The following KDM4B variants were observed in gnomAD, a reference collection of about 807,000 sequenced individuals.
KDM4B encodes the protein lysine demethylase 4B, also known as lysine-specific demethylase 4B.
Under a neutral mutation model 125.2 loss-of-function variants are expected in KDM4B, and 32 were observed. The ratio of observed to expected loss-of-function variants is 0.26; its 90% confidence interval spans 0.19 to 0.34. The LOEUF is 0.34. Among genes scored for constraint, KDM4B ranks in the 10% least tolerant of loss-of-function variants. KDM4B has a pLI of 1.00. For missense variants in KDM4B, 1,190 were observed against 1,577.7 expected, an observed-to-expected ratio of 0.75 and a Z score of 4.16; for synonymous variants, 721 against 677.9, an observed-to-expected ratio of 1.06 and a Z score of -0.99.
chr19:5,009,611 C>G (rs929235528), intron 1 of KDM4B, among the ~76,000 whole-genome samples: 31 of 152,200 alleles, frequency 2.0e-4, no homozygotes, highest in African/African-American at 7.2e-4. Context: ...TGAACTGTTG[C>G]AAAGATAGCA....
Position 5,141,269 on chromosome 19 carries a change from CACGGCCAGG to C in KDM4B, c.2551-2697_2551-2689del, listed in dbSNP as rs1302668358. On this transcript the variant is annotated intron_variant, in intron 18 of 22. Coordinates refer to ENST00000159111, the MANE Select transcript of KDM4B (RefSeq NM_015015.3). The surrounding 1 kb of genome is among the most constrained non-coding windows in gnomAD (Gnocchi z 6.4). ...AGTGGGTCACGCCGGCCTGGCCGGG[CACGGCCAGG>C]CGATTAGGAAGCCGGCAGCCCGCGG... The C allele has an allele frequency of 6.6e-6, 1 of 152,044 alleles. No individual in the cohort carries two copies. The highest frequency in any genetic ancestry group is 6.5e-5 in the Admixed American group (1 of 15,276). 9.4% of individuals were successfully genotyped at this position (152,044 alleles called of 1,614,324 possible).
At chr19:5,069,124 C>T (rs943932927) in intron 6 of KDM4B, among the ~76,000 whole-genome samples, 1 of 152,068 alleles carries the variant, frequency 6.6e-6, no homozygotes, top group African/African-American at 2.4e-5. Context: ...GAGGAATGCA[C>T]CCCTGTCTAG....
intron 2 of KDM4B, among the ~76,000 whole-genome samples, chr19:5,030,368 C>T (rs2036412825): frequency 6.6e-6 from 1 of 152,240 alleles, no homozygotes; most frequent in African/African-American, 2.4e-5. Flanking sequence ...GTCTGGGGGA[C>T]ATGAGAGTGT....
chr19:5,030,484 C>G (rs1280456949), intron 2 of KDM4B, among the ~76,000 whole-genome samples: 1 of 152,190 alleles, frequency 6.6e-6, no homozygotes, highest in East Asian at 1.9e-4. Flanking sequence ...GCCAGCCCCT[C>G]ACATGACTCT....
At position 5,133,961 on chromosome 19, in the gene KDM4B, A is replaced by G; in HGVS notation, c.1985A>G (p.Asn662Ser). The change falls in exon 14 of 23, where the codon AAC (asparagine) becomes AGC (serine). Residue 662 changes from asparagine (N) to serine (S), a missense_variant. By Grantham distance (46) the Asn-to-Ser change is conservative (BLOSUM62 1). Transcript: ENST00000159111. ...LRPLLSLQWK[N>S]RAASFQAERK... ...CCGCTGCTGTCTCTGCAGTGGAAGAACAGGGCGGCCAGCTTCCAGGCCGAG... is the reference window on the plus strand; with the variant it reads ...CCGCTGCTGTCTCTGCAGTGGAAGAGCAGGGCGGCCAGCTTCCAGGCCGAG... 1 of 1,612,934 alleles carries G rather than the reference A, an allele frequency of 6.2e-7. No individual in the cohort carries two copies. Among genetic ancestry groups the G allele is most frequent in the Non-Finnish European group, 8.5e-7 (1 of 1,179,944 alleles).
chr19:5,130,979 C>T (rs914427556), intron 11 of KDM4B, 97 bp from the exon 12 acceptor site: 36 of 944,880 alleles, frequency 3.8e-5, no homozygotes, highest in Middle Eastern at 4.7e-4. Flanking sequence ...AAGGAGCCCT[C>T]GACCATCCCA....
At chr19:4,978,629 C>T (rs1318440409) in intron 1 of KDM4B, among the ~76,000 whole-genome samples, 2 of 151,424 alleles carry the variant, frequency 1.3e-5, no homozygotes, top group African/African-American at 4.9e-5. Flanking sequence ...GGGTGTCCTG[C>T]GTACCCCAAA....
intron 1 of KDM4B, among the ~76,000 whole-genome samples, chr19:4,984,034 C>T (rs994097580): frequency 2.0e-5 from 3 of 152,210 alleles, no homozygotes; most frequent in African/African-American, 7.2e-5. Flanking sequence ...TAAGGGACAC[C>T]TGGCCACAGC....
intron 18 of KDM4B, among the ~76,000 whole-genome samples, chr19:5,143,179 C>A (rs1318093214): frequency 6.6e-6 from 1 of 152,022 alleles, no homozygotes; most frequent in Admixed American, 6.5e-5. Context: ...CAAAAATTAG[C>A]CAGGCATGAT....
intron 12 of KDM4B, 21 bp from the exon 13 acceptor site, chr19:5,131,866 A>G (rs2146060276): frequency 2.5e-6 from 4 of 1,612,640 alleles, no homozygotes; most frequent in Non-Finnish European, 2.5e-6. Context: ...GGCCCTCACT[A>G]CAGCCTGTTG....
At chr19:5,065,737 C>T (rs947318128) in intron 6 of KDM4B, among the ~76,000 whole-genome samples, 2 of 152,244 alleles carry the variant, frequency 1.3e-5, no homozygotes, top group African/African-American at 2.4e-5. Flanking sequence ...GCTCCAGCTC[C>T]GGCTCCGGCT....
intron 2 of KDM4B, among the ~76,000 whole-genome samples, chr19:5,017,068 C>T (rs933681194): frequency 2.0e-5 from 3 of 152,190 alleles, no homozygotes; most frequent in Non-Finnish European, 2.9e-5. Flanking sequence ...CTGCCTTGTG[C>T]GGCGTCGCCC....
chr19:4,984,965 T>A (rs527397702), intron 1 of KDM4B, among the ~76,000 whole-genome samples: 2 of 152,264 alleles, frequency 1.3e-5, no homozygotes, highest in South Asian at 4.1e-4. Context: ...ACAGTGGGTG[T>A]TACCCTAACA....
intron 1 of KDM4B, among the ~76,000 whole-genome samples, chr19:4,991,150 A>G (rs2035018603): frequency 6.6e-6 from 1 of 151,994 alleles, no homozygotes; most frequent in African/African-American, 2.4e-5. Context: ...AAAAATAAAA[A>G]CACTGTTATG....
chr19:5,063,899 G>A lies in KDM4B; in HGVS notation c.627-7111G>A, dbSNP rs1469032607. ...AGAGCAGAGGAGCCACCCTGGCCCGGCTCGTCTTTAGCTGGCTCCGGGACT... is the reference window on the plus strand; with the variant it reads ...AGAGCAGAGGAGCCACCCTGGCCCGACTCGTCTTTAGCTGGCTCCGGGACT... On this transcript the variant is annotated intron_variant, in intron 6 of 22. Transcript: ENST00000159111. 2.0e-5 allele frequency among the ~76,000 whole-genome samples: 3 copies of A among 152,354 alleles called. No individual in the cohort carries two copies. In the South Asian group the frequency reaches 6.2e-4, roughly 32 times the overall value.
chr19:5,018,334 C>G (rs905322641), intron 2 of KDM4B, among the ~76,000 whole-genome samples: 3 of 152,312 alleles, frequency 2.0e-5, no homozygotes, highest in South Asian at 4.1e-4. Flanking sequence ...TGCCGAAGTT[C>G]ACCACATAGC....
chr19:5,102,422 G>A (rs2038954963), intron 9 of KDM4B, among the ~76,000 whole-genome samples: 1 of 152,152 alleles, frequency 6.6e-6, no homozygotes, highest in African/African-American at 2.4e-5. Context: ...AGGCCTTCTA[G>A]GGGTCCTCCC....
intron 7 of KDM4B, chr19:5,076,508 A>C (rs3943274): frequency 9.8e-5 from 2 of 20,424 alleles, no homozygotes; most frequent in Non-Finnish European, 2.0e-4. Flanking sequence ...GCCACACTGC[A>C]TCCTTTCCCC....
At chr19:5,119,318 C>A (rs558990128) in intron 10 of KDM4B, 1 of 866,524 alleles carries the variant, frequency 1.2e-6, no homozygotes, top group East Asian at 2.6e-5. Context: ...CCGTGGCACA[C>A]GCGGCTCCTG....
Sources: allele counts gnomAD v4.1 joint callset (sites outside exome capture counted in the v4.1 genomes callset), GRCh38; gene constraint gnomAD v4.1.1; non-coding constraint Gnocchi (gnomAD v3.1); transcripts MANE v1.5; gene names NCBI Gene and HGNC (gene_info 2026-07-23, HGNC 2026-07-21).